Variants in WDR12 observed in about 807,000 individuals in gnomAD.
WDR12 encodes the protein WD repeat domain 12.
Under a neutral mutation model 64.3 loss-of-function variants are expected in WDR12, and 42 were observed. That is an observed-to-expected ratio of 0.65 (90% CI 0.51 to 0.84). The LOEUF is 0.84. WDR12 is among the 40% of genes least tolerant of loss of function. The pLI, the probability that WDR12 is intolerant of heterozygous loss-of-function variation, is 0.00. For synonymous variants in WDR12, 158 were observed against 173.3 expected (o/e 0.91, Z 0.70); for missense variants, 469 against 494.6 (o/e 0.95, Z 0.49).
chr2:202,908,200 A>G, intron 1 of WDR12, among the ~76,000 whole-genome samples: 1 of 152,226 alleles, frequency 6.6e-6, no homozygotes, highest in Non-Finnish European at 1.5e-5. Flanking sequence ...TATAAAAAGA[A>G]CAAAGACACC....
At chr2:202,905,231 C>T (rs912815405) in intron 2 of WDR12, among the ~76,000 whole-genome samples, 2 of 152,156 alleles carry the variant, frequency 1.3e-5, no homozygotes, top group East Asian at 1.9e-4. Context: ...CTACAACTTC[C>T]GCCTCCCGGG....
intron 8 of WDR12, among the ~76,000 whole-genome samples, chr2:202,891,196 G>C (rs1688150914): frequency 6.6e-6 from 1 of 152,072 alleles, no homozygotes; most frequent in Admixed American, 6.6e-5. Context: ...TTTTGAGACA[G>C]GGTCTCACTC....
intron 6 of WDR12, 101 bp from the exon 7 acceptor site, chr2:202,894,727 C>T: frequency 1.1e-6 from 1 of 950,616 alleles, no homozygotes; most frequent in South Asian, 2.0e-5. Flanking sequence ...TTTCAAAGAA[C>T]TTGTGTTCCA....
At chr2:202,895,166 CCTAA>C (rs935309439) in intron 6 of WDR12, among the ~76,000 whole-genome samples, 2 of 152,082 alleles carry the variant, frequency 1.3e-5, no homozygotes, top group African/African-American at 4.8e-5. Context: ...ATCCTGTTAC[CCTAA>C]CTGTCAAAGA....
chr2:202,890,661 C>T (rs1287053203), intron 8 of WDR12, among the ~76,000 whole-genome samples: 2 of 151,750 alleles, frequency 1.3e-5, no homozygotes, highest in Non-Finnish European at 1.5e-5. Flanking sequence ...ATCCCAGCTA[C>T]TCAGGAGGCT....
chr2:202,893,837 A>G (rs1235465633), intron 7 of WDR12, among the ~76,000 whole-genome samples: 1 of 152,028 alleles, frequency 6.6e-6, no homozygotes, highest in African/African-American at 2.4e-5. Flanking sequence ...GCTCCTTTTA[A>G]TCTATGCTTT....
chr2:202,891,018 GAGAAT>G (rs1688148397), intron 8 of WDR12, among the ~76,000 whole-genome samples: 1 of 98,240 alleles, frequency 1.0e-5, no homozygotes. Flanking sequence ...AAAAAAAAAA[GAGAAT>G]AAAAGAGCTA....
chr2:202,897,120 C>T (rs1688258750), intron 5 of WDR12, among the ~76,000 whole-genome samples, 180 bp downstream of exon 5: 3 of 152,114 alleles, frequency 2.0e-5, no homozygotes, highest in Admixed American at 2.0e-4. Flanking sequence ...ACACTTCTAA[C>T]AATTTATGAA....
rs1178244750 is a variant in WDR12, at chr2:202,874,685, CAGG to C, written c.*6172_*6174del. On this transcript the variant is annotated 3_prime_UTR_variant, in exon 13 of 13. Transcript: ENST00000261015. ...ATCTGTTGGATTTTACCGAAGACGT[CAGG>C]AGAAGCATTATAGGTCAGTGACAGT... 1 of 152,160 alleles carries C rather than the reference CAGG, an allele frequency of 6.6e-6. No individual in the cohort carries two copies. Among genetic ancestry groups the C allele is most frequent in the East Asian group, 1.9e-4 (1 of 5,196 alleles). 9.4% of individuals were successfully genotyped at this position (152,160 alleles called of 1,614,324 possible). A position where few individuals can be genotyped will look rare whatever the true frequency, so the allele number is the denominator to read the frequency against.
chr2:202,884,050 A>G (rs1312284516), intron 10 of WDR12, 148 bp downstream of exon 10: 3 of 759,778 alleles, frequency 3.9e-6, no homozygotes, highest in African/African-American at 1.8e-5. Context: ...TGACCTCATG[A>G]TCTGCCCGCC....
At chr2:202,887,754 G>A (rs1185029079) in intron 8 of WDR12, among the ~76,000 whole-genome samples, 1 of 151,438 alleles carries the variant, frequency 6.6e-6, no homozygotes, top group Non-Finnish European at 1.5e-5. Context: ...CGGGCGCGGT[G>A]GCGGGCGCCT....
In WDR12 at chr2:202,875,836, G is replaced by A. The variant is rs1287738557; in HGVS notation, c.*5024C>T. Reference sequence around the variant, plus strand: ...AGATAAGTCCAAGTTCAAATTCACTGCCATTTATTTCCTGCCTGTGTGACT... The same window carrying A: ...AGATAAGTCCAAGTTCAAATTCACTACCATTTATTTCCTGCCTGTGTGACT... On this transcript the variant is annotated 3_prime_UTR_variant, in exon 13 of 13. Transcript: ENST00000261015. 1 of 152,136 alleles carries A rather than the reference G, an allele frequency of 6.6e-6. No homozygotes were observed. The highest frequency in any genetic ancestry group is 1.5e-5 in the Non-Finnish European group (1 of 68,034). 9.4% of individuals were successfully genotyped at this position (152,136 alleles called of 1,614,324 possible).
intron 4 of WDR12, among the ~76,000 whole-genome samples, chr2:202,897,953 T>C (rs1688282274): frequency 7.2e-6 from 1 of 138,270 alleles, no homozygotes; most frequent in African/African-American, 2.6e-5. Flanking sequence ...ATATACATAG[T>C]ATAAAATTAC....
rs568656603 is a variant in WDR12 at position 202,884,322 on chromosome 2, GAACATT to G, written c.883-25_883-20del. On this transcript the variant is annotated intron_variant, in intron 9 of 12. Coordinates refer to ENST00000261015, the MANE Select transcript of WDR12 (RefSeq NM_018256.4). ...TTCCTGTCTGAAAAAGAAAAGGAAA[GAACATT>G]AACCATGGTAGACTAAAAACCATCT... is the stretch of plus-strand genomic sequence containing the variant. 1.7e-4 allele frequency: 267 copies of G among 1,613,710 alleles called. 1 individual carries two copies. In the African/African-American group the frequency reaches 2.5e-3, roughly 15 times the overall value.
intron 8 of WDR12, among the ~76,000 whole-genome samples, chr2:202,886,861 T>C (rs1688057891): frequency 2.6e-5 from 4 of 151,480 alleles, no homozygotes; most frequent in Non-Finnish European, 5.9e-5. Flanking sequence ...CTTCCTTAAA[T>C]ATTGCCTCAT....
chr2:202,893,715 A>T (rs1688191765), intron 7 of WDR12, among the ~76,000 whole-genome samples: 1 of 152,132 alleles, frequency 6.6e-6, no homozygotes, highest in South Asian at 2.1e-4. Flanking sequence ...CTAGGTCTTA[A>T]AATGTAAGTA....
Position 202,894,569 on chromosome 2 carries a change from TATTTA to T in WDR12, c.655+7_655+11del, listed in dbSNP as rs772097739. The T allele has an allele frequency of 1.1e-5, 18 of 1,594,428 alleles. No individual in the cohort carries two copies. The highest frequency in any genetic ancestry group is 3.6e-5 in the Admixed American group (2 of 56,104). ...CATTATTAAGTCAAGGTAAAATAAA[TATTTA>T]ATTTACCTGTAGACCAGATCTTTAG... On this transcript the variant is annotated splice_region_variant and intron_variant, in intron 7 of 12. Coordinates refer to ENST00000261015, the MANE Select transcript of WDR12 (RefSeq NM_018256.4).
At chr2:202,899,773 C>A in intron 3 of WDR12, 136 bp from the exon 4 acceptor site, 1 of 701,952 alleles carries the variant, frequency 1.4e-6, no homozygotes, top group South Asian at 2.3e-5. Flanking sequence ...AAATTTGGAG[C>A]CATTCAAAAA....
At chr2:202,886,240 T>C (rs1393222427) in intron 8 of WDR12, among the ~76,000 whole-genome samples, 2 of 150,186 alleles carry the variant, frequency 1.3e-5, no homozygotes, top group Non-Finnish European at 3.0e-5. Context: ...GTGGATCACT[T>C]GAGCTCAGGA....
Sources: gnomAD v4.1 joint callset for allele counts (sites outside exome capture counted in the v4.1 genomes callset) on GRCh38, gnomAD v4.1.1 for gene constraint, MANE v1.5 for transcripts, NCBI Gene and HGNC (gene_info 2026-07-23, HGNC 2026-07-21) for gene names.